The following SAV1 variants were observed in gnomAD, a reference collection of about 807,000 sequenced individuals.
The protein encoded by SAV1 is protein salvador homolog 1.
Under a neutral mutation model 47.3 loss-of-function variants are expected in SAV1, and 23 were observed. The observed-to-expected ratio is 0.49, with a 90% CI of 0.35 to 0.69. The LOEUF (loss-of-function observed/expected upper bound fraction) is 0.69. Ranked by LOEUF, SAV1 falls within the 30% of genes least tolerant of loss-of-function variation. The pLI is 0.01. For synonymous variants in SAV1, 155 were observed against 159.2 expected, an observed-to-expected ratio of 0.97 and a Z score of 0.20; for missense variants, 448 against 457.4, an observed-to-expected ratio of 0.98 and a Z score of 0.19.
chr14:50,663,632 C>A (rs2039877755), intron 2 of SAV1, among the ~76,000 whole-genome samples: 1 of 152,180 alleles, frequency 6.6e-6, no homozygotes, highest in South Asian at 2.1e-4. Context: ...CTTCAGTGAT[C>A]TGCTTTCTCC....
Position 50,635,274 on chromosome 14 carries a change from T to C in SAV1, c.1061A>G (p.Tyr354Cys), listed in dbSNP as rs183580977. Reference sequence around the variant, plus strand: ...AAGAAGGGCTTGTCTGTATGCTTCATACATTTTAACAATCTGCTCCAATTC... The same window carrying C: ...AAGAAGGGCTTGTCTGTATGCTTCACACATTTTAACAATCTGCTCCAATTC... ...MKELEQIVKM[Y>C]EAYRQALLTE... Residue 354 changes from tyrosine (Y) to cysteine (C), a missense_variant, in exon 5 of 5, where the codon TAT becomes TGT. Coordinates refer to ENST00000324679, the MANE Select transcript of SAV1 (RefSeq NM_021818.4). 12 of 1,614,064 alleles carry C rather than the reference T, an allele frequency of 7.4e-6. No individual in the cohort carries two copies. Among genetic ancestry groups the C allele is most frequent in the South Asian group, 1.1e-5 (1 of 91,092 alleles).
chr14:50,654,590 A>G (rs2039796732), intron 2 of SAV1, among the ~76,000 whole-genome samples: 1 of 152,262 alleles, frequency 6.6e-6, no homozygotes, highest in African/African-American at 2.4e-5. Context: ...AGAATTACCA[A>G]GATGTGACAC....
At chr14:50,638,798 C>T (rs7158895) in intron 4 of SAV1, among the ~76,000 whole-genome samples, 14,034 of 152,202 alleles carry the variant, frequency 0.092, 1,067 homozygotes, top group African/African-American at 0.21. Context: ...GATGGAGTCT[C>T]GCTCTGTCAC....
At chr14:50,662,484 A>AAG (rs1314363448) in intron 2 of SAV1, 16 of 152,154 alleles carry the variant, frequency 1.1e-4, no homozygotes, top group Admixed American at 1.0e-3. Context: ...TTATTTTTTT[A>AAG]ATGACATACT....
chr14:50,640,904 A>C lies in SAV1; in HGVS notation c.807-11T>G. ...TCATACCGAGGTACACTAAGAAGAA[A>C]GGAGTGACATTCTTTAGGATAAAGG... On this transcript the variant is annotated splice_polypyrimidine_tract_variant and intron_variant, in intron 3 of 4. Coordinates refer to ENST00000324679, the MANE Select transcript of SAV1 (RefSeq NM_021818.4). 2 of 1,593,212 alleles carry C rather than the reference A, an allele frequency of 1.3e-6. No individual in the cohort carries two copies. The highest frequency in any genetic ancestry group is 1.7e-6 in the Non-Finnish European group (2 of 1,169,104).
At chr14:50,657,697 A>C (rs2039824739) in intron 2 of SAV1, among the ~76,000 whole-genome samples, 1 of 152,232 alleles carries the variant, frequency 6.6e-6, no homozygotes, top group South Asian at 2.1e-4. Context: ...GTAGTCCTTG[A>C]AAGTAATAAA....
At chr14:50,665,727 T>A in intron 1 of SAV1, 108 bp from the exon 2 acceptor site, 1 of 987,816 alleles carries the variant, frequency 1.0e-6, no homozygotes, top group Non-Finnish European at 1.5e-6. Context: ...TCAGTCAACT[T>A]AAGAAAACAC....
intron 1 of SAV1, among the ~76,000 whole-genome samples, chr14:50,666,178 T>C (rs2039900138): frequency 6.6e-6 from 1 of 152,112 alleles, no homozygotes; most frequent in Non-Finnish European, 1.5e-5. Flanking sequence ...ACTAGCACAG[T>C]AATCAAAAGC....
intron 2 of SAV1, among the ~76,000 whole-genome samples, chr14:50,653,867 C>CAA (rs931825307): frequency 2.6e-5 from 3 of 113,336 alleles, no homozygotes; most frequent in African/African-American, 6.6e-5. Flanking sequence ...GACTCCATCT[C>CAA]AAAAAAAAAA....
chr14:50,662,238 A>G (rs1236843876), intron 2 of SAV1, among the ~76,000 whole-genome samples: 1 of 152,060 alleles, frequency 6.6e-6, no homozygotes, highest in Non-Finnish European at 1.5e-5. Flanking sequence ...GCGCAATCTC[A>G]GCTCACTGCA....
intron 2 of SAV1, chr14:50,664,369 T>G (rs1184570601): frequency 2.0e-5 from 3 of 152,232 alleles, no homozygotes; most frequent in Non-Finnish European, 2.9e-5. Flanking sequence ...TCTCACATTT[T>G]ATTTTTATCC....
At chr14:50,659,716 C>T (rs1361890187) in intron 2 of SAV1, among the ~76,000 whole-genome samples, 1 of 152,102 alleles carries the variant, frequency 6.6e-6, no homozygotes, top group Non-Finnish European at 1.5e-5. Context: ...TGTGGTGGTG[C>T]ATGCCTGTAG....
Position 50,640,107 on chromosome 14 carries a change from C to A in SAV1, c.950+643G>T, listed in dbSNP as rs535578734. On this transcript the variant is annotated intron_variant, in intron 4 of 4. Transcript: ENST00000324679. ...CAAGCAGTCCTCCCACCTTAGCCTC[C>A]CAAGTAGCTGAGATCACAGGCATAC... Among the ~76,000 whole-genome samples, 6 of 152,258 alleles carry A rather than the reference C, an allele frequency of 3.9e-5. No homozygotes were observed. The South Asian group carries it at 1.2e-3, about 32-fold the overall frequency.
chr14:50,647,154 G>C (rs1566742709), intron 2 of SAV1, among the ~76,000 whole-genome samples: 2 of 151,980 alleles, frequency 1.3e-5, no homozygotes, highest in East Asian at 3.8e-4. Flanking sequence ...GAAAAAAATA[G>C]AATAAATTTT....
chr14:50,655,511 C>G (rs999137982), intron 2 of SAV1, among the ~76,000 whole-genome samples: 38 of 151,714 alleles, frequency 2.5e-4, no homozygotes, highest in Admixed American at 2.3e-3. Flanking sequence ...CTGCAACCTC[C>G]ACCTCTCAGG....
At chr14:50,654,471 C>T (rs2039795925) in intron 2 of SAV1, among the ~76,000 whole-genome samples, 1 of 152,196 alleles carries the variant, frequency 6.6e-6, no homozygotes, top group Non-Finnish European at 1.5e-5. Context: ...AGTTTGCACA[C>T]AAGTGCAATT....
intron 2 of SAV1, among the ~76,000 whole-genome samples, chr14:50,654,531 T>A (rs899802166): frequency 2.6e-5 from 4 of 152,204 alleles, no homozygotes; most frequent in Admixed American, 1.3e-4. Flanking sequence ...CAATCACTGA[T>A]CACAGATCAC....
At position 50,667,968 on chromosome 14, in the gene SAV1, C is replaced by T; in HGVS notation, c.-1G>A. ...TTTTGGTTTTCTTTCGGGACAGCAT[C>T]CTTCTCGACGAGGCCCGAGGCCGCG... On this transcript the variant is annotated 5_prime_UTR_variant, in exon 1 of 5. Coordinates refer to ENST00000324679, the MANE Select transcript of SAV1 (RefSeq NM_021818.4). 6.2e-7 allele frequency: 1 copy of T among 1,609,524 alleles called. No homozygotes were observed. The highest frequency in any genetic ancestry group is 8.5e-7 in the Non-Finnish European group (1 of 1,178,518).
At chr14:50,646,386 C>A (rs1271892440) in intron 2 of SAV1, among the ~76,000 whole-genome samples, 1 of 152,136 alleles carries the variant, frequency 6.6e-6, no homozygotes, top group Non-Finnish European at 1.5e-5. Context: ...AGACTACTGT[C>A]ATTCCAATAA....
Sources: allele counts gnomAD v4.1 joint callset (sites outside exome capture counted in the v4.1 genomes callset), GRCh38; gene constraint gnomAD v4.1.1; transcripts MANE v1.5; gene names NCBI Gene and HGNC (gene_info 2026-07-23, HGNC 2026-07-21).